Variants in ACOX1 observed in about 807,000 individuals in gnomAD.
The protein encoded by ACOX1 is peroxisomal acyl-coenzyme A oxidase 1.
In ACOX1, 41 loss-of-function variants were observed where a neutral mutation model predicts 75.5. The observed-to-expected ratio is 0.54, with a 90% CI of 0.42 to 0.70. The LOEUF (loss-of-function observed/expected upper bound fraction) is 0.70, where lower values mean the gene tolerates loss of function less well. Ranked by LOEUF, ACOX1 falls within the 30% of genes least tolerant of loss-of-function variation. The pLI, the probability that ACOX1 is intolerant of heterozygous loss-of-function variation, is 0.00. For missense variants in ACOX1, 630 were observed against 837.5 expected, an observed-to-expected ratio of 0.75 and a Z score of 3.06; for synonymous variants, 303 against 298.8, an observed-to-expected ratio of 1.01 and a Z score of -0.15.
intron 2 of ACOX1, among the ~76,000 whole-genome samples, chr17:75,972,626 A>G (rs924971209): frequency 8.7e-5 from 13 of 149,090 alleles, no homozygotes; most frequent in African/African-American, 3.0e-4. Context: ...GCCTGGGCAA[A>G]AAAAGCAAAA....
Position 75,944,745 on chromosome 17 carries a change from A to C in ACOX1, c.*2003T>G, listed in dbSNP as rs2065704475. ...AAAAATAGCATCAAATGTCAGATTT[A>C]GATTTTTTTTTTGAGACGGAGTCTC... On this transcript the variant is annotated 3_prime_UTR_variant, in exon 14 of 14. Transcript: ENST00000293217. The C allele has an allele frequency of 6.6e-6, 1 of 152,108 alleles. No homozygotes were observed. Among genetic ancestry groups the C allele is most frequent in the Admixed American group, 6.6e-5 (1 of 15,240 alleles). 9.4% of individuals were successfully genotyped at this position (152,108 alleles called of 1,614,324 possible). A position where few individuals can be genotyped will look rare whatever the true frequency, so the allele number is the denominator to read the frequency against.
intron 2 of ACOX1, among the ~76,000 whole-genome samples, chr17:75,967,008 A>T (rs1246417201): frequency 6.6e-6 from 1 of 150,504 alleles, no homozygotes; most frequent in African/African-American, 2.4e-5. Context: ...AAATCTCGGA[A>T]GCTGCGCCAC....
rs190084217 is a variant in ACOX1 at position 75,958,530 on chromosome 17, T to C, written c.431-964A>G. ...AAAAAAACAACAAAAAAATTAAAGC[T>C]GGGCACGGTGGCTCACGCCTGTAAT... On this transcript the variant is annotated intron_variant, in intron 3 of 13. Coordinates refer to ENST00000293217, the MANE Select transcript of ACOX1 (RefSeq NM_004035.7). Among the ~76,000 whole-genome samples the C allele has an allele frequency of 1.3e-3, 188 of 143,066 alleles. 2 individuals are homozygous for C. The South Asian group carries it at 0.014, about 11-fold the overall frequency. The allele number at this position is 143,066 out of a possible 152,430, so 93.9% of individuals were successfully genotyped here.
intron 2 of ACOX1, chr17:75,973,380 C>T: frequency 1.8e-6 from 1 of 544,098 alleles, no homozygotes; most frequent in Non-Finnish European, 3.3e-6. Flanking sequence ...ACTGTAAACC[C>T]CATCTTTTCA....
chr17:75,974,998 C>G (rs1286567834), intron 2 of ACOX1, among the ~76,000 whole-genome samples: 3 of 133,336 alleles, frequency 2.2e-5, no homozygotes, highest in Non-Finnish European at 3.1e-5. Flanking sequence ...TGTAGTGAGC[C>G]GAGATCGCAC....
At chr17:75,972,004 AAC>A (rs2065999751) in intron 2 of ACOX1, among the ~76,000 whole-genome samples, 1 of 152,074 alleles carries the variant, frequency 6.6e-6, no homozygotes, top group Non-Finnish European at 1.5e-5. Flanking sequence ...CATGTACACA[AAC>A]ACACAGATAC....
chr17:75,962,525 C>T (rs2065896529), intron 2 of ACOX1, among the ~76,000 whole-genome samples: 1 of 152,096 alleles, frequency 6.6e-6, no homozygotes, highest in African/African-American at 2.4e-5. Context: ...GCATAAATGA[C>T]AGTTCAGTTT....
intron 2 of ACOX1, among the ~76,000 whole-genome samples, chr17:75,961,463 TA>T (rs2065887318): frequency 1.3e-4 from 1 of 7,644 alleles, no homozygotes; most frequent in Non-Finnish European, 2.6e-4. Flanking sequence ...CTACTAAAAA[TA>T]CAAAAAAAAA....
chr17:75,953,761 C>T (rs1302276687), intron 6 of ACOX1, 141 bp from the exon 7 acceptor site: 1 of 991,794 alleles, frequency 1.0e-6, no homozygotes, highest in Admixed American at 2.0e-5. Flanking sequence ...AGTCCCCACC[C>T]TGACCAACTG....
Position 75,978,385 on chromosome 17 carries a change from G to A in ACOX1, c.269+149C>T. 3.7e-6 allele frequency: 4 copies of A among 1,079,064 alleles called. No individual in the cohort carries two copies. Among genetic ancestry groups the A allele is most frequent in the South Asian group, 1.3e-5 (1 of 76,908 alleles). 66.8% of individuals were successfully genotyped at this position (1,079,064 alleles called of 1,614,324 possible). On this transcript the variant is annotated intron_variant, in intron 2 of 13. Coordinates refer to ENST00000293217, the MANE Select transcript of ACOX1 (RefSeq NM_004035.7). The surrounding 1 kb of genome is among the most constrained non-coding windows in gnomAD (Gnocchi z 4.2). ...TGGGATTACAGGCGTGAGCCACCGC[G>A]CCCGGCCACACATATAACTTTATAA...
At chr17:75,968,203 G>A (rs1342370447) in intron 2 of ACOX1, among the ~76,000 whole-genome samples, 1 of 150,024 alleles carries the variant, frequency 6.7e-6, no homozygotes, top group African/African-American at 2.4e-5. Context: ...TTGGGAGGCC[G>A]AGGCGGGCGG....
rs1399033380 is a variant in ACOX1, at chr17:75,944,879, A to G, written c.*1869T>C. Reference sequence around the variant, plus strand: ...CTCAGCCTCCCGAGTAGCTGGGACTACAGGCGCGTGCTACCACCATGCCCA... The same window carrying G: ...CTCAGCCTCCCGAGTAGCTGGGACTGCAGGCGCGTGCTACCACCATGCCCA... On this transcript the variant is annotated 3_prime_UTR_variant, in exon 14 of 14. Coordinates refer to ENST00000293217, the MANE Select transcript of ACOX1 (RefSeq NM_004035.7). The G allele has an allele frequency of 2.0e-5, 3 of 152,148 alleles. No homozygotes were observed. Among genetic ancestry groups the G allele is most frequent in the African/African-American group, 7.2e-5 (3 of 41,410 alleles). 9.4% of individuals were successfully genotyped at this position (152,148 alleles called of 1,614,324 possible). A position where few individuals can be genotyped will look rare whatever the true frequency, so the allele number is the denominator to read the frequency against.
chr17:75,967,887 C>T (rs1458040578), intron 2 of ACOX1, among the ~76,000 whole-genome samples: 2 of 150,160 alleles, frequency 1.3e-5, no homozygotes, highest in African/African-American at 2.4e-5. Flanking sequence ...ATTACAGGTG[C>T]CGCCACCACT....
At chr17:75,973,806 G>C in intron 2 of ACOX1, 1 of 1,613,222 alleles carries the variant, frequency 6.2e-7, no homozygotes. Flanking sequence ...GAAGAGAAAA[G>C]GATCTCAGCC....
intron 2 of ACOX1, among the ~76,000 whole-genome samples, chr17:75,963,316 C>T (rs1455591706): frequency 6.6e-6 from 1 of 151,998 alleles, no homozygotes; most frequent in Non-Finnish European, 1.5e-5. Flanking sequence ...CTTGTACCCC[C>T]TAAACCTATT....
intron 2 of ACOX1, among the ~76,000 whole-genome samples, chr17:75,969,309 G>A (rs2065971342): frequency 6.6e-6 from 1 of 152,108 alleles, no homozygotes. Context: ...TGGGATTACA[G>A]GCACGCACCA....
At position 75,955,966 on chromosome 17, in the gene ACOX1, C is replaced by T; in HGVS notation, c.539-19G>A. 6.2e-7 allele frequency: 1 copy of T among 1,609,308 alleles called. No individual in the cohort carries two copies. Among genetic ancestry groups the T allele is most frequent in the Non-Finnish European group, 8.5e-7 (1 of 1,176,228 alleles). On this transcript the variant is annotated intron_variant, in intron 4 of 13. Coordinates refer to ENST00000293217, the MANE Select transcript of ACOX1 (RefSeq NM_004035.7). ...TTTCCAACTGTAATATCAAAGAGAA[C>T]AAGGGAGGGGTGGGCAAACGTTCAT... is the stretch of plus-strand genomic sequence containing the variant.
rs6501843 is a variant in ACOX1 at position 75,953,837 on chromosome 17, G to A, written c.775-217C>T. Among the ~76,000 whole-genome samples the A allele has an allele frequency of 0.55, 83,369 of 152,144 alleles. 26,171 individuals are homozygous for A. The highest frequency in any genetic ancestry group is 0.78 in the East Asian group (4,032 of 5,182). On this transcript the variant is annotated intron_variant, in intron 6 of 13. Coordinates refer to ENST00000293217, the MANE Select transcript of ACOX1 (RefSeq NM_004035.7). ...AACTGGCCTTCCAGGTGATTCTAAC[G>A]CATGCAAAAGTTTGAGAATCATTGG...
At chr17:75,976,524 G>A (rs566008103) in intron 2 of ACOX1, among the ~76,000 whole-genome samples, 15 of 152,188 alleles carry the variant, frequency 9.9e-5, no homozygotes, top group Admixed American at 2.6e-4. Context: ...AATCTTCTAG[G>A]AGGAGTTACT....
Sources: gnomAD v4.1 joint callset for allele counts (sites outside exome capture counted in the v4.1 genomes callset) on GRCh38, gnomAD v4.1.1 for gene constraint, Gnocchi (gnomAD v3.1) non-coding constraint, MANE v1.5 for transcripts, NCBI Gene and HGNC (gene_info 2026-07-23, HGNC 2026-07-21) for gene names.